CIMIP6: variants seen among roughly 807,000 people sequenced by gnomAD.
CIMIP6 encodes the protein uncharacterized protein C2orf73.
chr2:54,379,611 G>A, the CIMIP6 span, among the ~76,000 whole-genome samples: 6 of 152,050 alleles, frequency 3.9e-5, no homozygotes, highest in East Asian at 1.9e-4. Flanking sequence ...AGGCCAAGGC[G>A]GGATTCCTTG....
At chr2:54,347,525 G>A in the CIMIP6 span, among the ~76,000 whole-genome samples, 2 of 152,076 alleles carry the variant, frequency 1.3e-5, no homozygotes, top group East Asian at 3.9e-4. Context: ...TCCACATAAC[G>A]AGCAGTTATG....
At chr2:54,359,952 G>A in the CIMIP6 span, among the ~76,000 whole-genome samples, 1 of 152,194 alleles carries the variant, frequency 6.6e-6, no homozygotes, top group East Asian at 1.9e-4. Flanking sequence ...AATGGGAGAT[G>A]AGCTGCTACT....
chr2:54,331,662 T>C, the CIMIP6 span, among the ~76,000 whole-genome samples: 4 of 151,948 alleles, frequency 2.6e-5, no homozygotes, highest in Non-Finnish European at 4.4e-5. Flanking sequence ...AATGCAAATT[T>C]TGGGGACTTC....
the CIMIP6 span, among the ~76,000 whole-genome samples, chr2:54,331,633 G>A: frequency 1.8e-4 from 28 of 152,112 alleles, no homozygotes; most frequent in African/African-American, 6.7e-4. Flanking sequence ...ACCAGCATCA[G>A]CAGCACCTGG....
chr2:54,372,777 A>T, the CIMIP6 span, among the ~76,000 whole-genome samples: 1 of 152,284 alleles, frequency 6.6e-6, no homozygotes, highest in East Asian at 1.9e-4. Context: ...ATTAAGGAGG[A>T]GGGACAAGTC....
the CIMIP6 span, among the ~76,000 whole-genome samples, chr2:54,375,076 C>A: frequency 1.1e-4 from 16 of 152,020 alleles, no homozygotes; most frequent in Non-Finnish European, 2.1e-4. Context: ...GCTACCTTAC[C>A]AGCATTTAAA....
At chr2:54,375,289 A>G in the CIMIP6 span, among the ~76,000 whole-genome samples, 111 of 152,358 alleles carry the variant, frequency 7.3e-4, no homozygotes, top group African/African-American at 2.1e-3. Context: ...AGTTTTATAT[A>G]AAGAGCTCAT....
At chr2:54,362,818 A>G in the CIMIP6 span, among the ~76,000 whole-genome samples, 5 of 152,200 alleles carry the variant, frequency 3.3e-5, no homozygotes, top group Non-Finnish European at 5.9e-5. Context: ...CAGTGCTGGG[A>G]TTACAGGCAT....
chr2:54,360,173 G>A, the CIMIP6 span: 4 of 1,510,782 alleles, frequency 2.6e-6, no homozygotes, highest in Non-Finnish European at 3.5e-6. Context: ...GCGTTCTCCT[G>A]GTTAATGTCG....
chr2:54,353,513 A>G, the CIMIP6 span, among the ~76,000 whole-genome samples: 1 of 151,990 alleles, frequency 6.6e-6, no homozygotes, highest in African/African-American at 2.4e-5. Context: ...TTGGTTTTCA[A>G]GGCTTCTGCA....
the CIMIP6 span, among the ~76,000 whole-genome samples, chr2:54,335,527 T>C: frequency 6.6e-6 from 1 of 152,188 alleles, no homozygotes; most frequent in Non-Finnish European, 1.5e-5. Flanking sequence ...ATATCTGAGA[T>C]TAAGTAATAA....
At chr2:54,363,621 T>G in the CIMIP6 span, among the ~76,000 whole-genome samples, 3 of 152,292 alleles carry the variant, frequency 2.0e-5, no homozygotes, top group East Asian at 3.9e-4. Context: ...GTGAGTTCTT[T>G]AGTAATATCT....
the CIMIP6 span, among the ~76,000 whole-genome samples, chr2:54,347,207 C>A: frequency 0.77 from 117,502 of 152,148 alleles, 45,478 homozygotes; most frequent in Non-Finnish European, 0.8. Flanking sequence ...AAAAATGCTA[C>A]TTAGGTATAG....
chr2:54,332,866 G>A, the CIMIP6 span, among the ~76,000 whole-genome samples: 1 of 152,104 alleles, frequency 6.6e-6, no homozygotes, highest in Non-Finnish European at 1.5e-5. Flanking sequence ...TTGTATCTCT[G>A]GAAAGGTAAT....
chr2:54,381,863 G>C, the CIMIP6 span: 4 of 1,541,010 alleles, frequency 2.6e-6, no homozygotes, highest in East Asian at 9.9e-5. Flanking sequence ...CTTGAGAAAA[G>C]GAGCCAAGAC....
chr2:54,344,262 G>C, the CIMIP6 span, among the ~76,000 whole-genome samples: 4 of 152,132 alleles, frequency 2.6e-5, no homozygotes, highest in Admixed American at 1.3e-4. Flanking sequence ...AGATAATAAA[G>C]TTTCCACTTC....
At chr2:54,367,319 C>G in the CIMIP6 span, among the ~76,000 whole-genome samples, 1 of 151,870 alleles carries the variant, frequency 6.6e-6, no homozygotes, top group Non-Finnish European at 1.5e-5. Context: ...GACTTTTTCC[C>G]TTATAGTTTC....
At chr2:54,357,996 T>G in the CIMIP6 span, among the ~76,000 whole-genome samples, 10 of 152,348 alleles carry the variant, frequency 6.6e-5, no homozygotes, top group East Asian at 1.9e-3. Flanking sequence ...TTAAATAACC[T>G]TCTCTGCTGA....
chr2:54,351,434 C>G, the CIMIP6 span, among the ~76,000 whole-genome samples: 1 of 152,178 alleles, frequency 6.6e-6, no homozygotes, highest in Non-Finnish European at 1.5e-5. Flanking sequence ...CCGTGGAACA[C>G]TATGCAGCCA....
Sources: gnomAD v4.1 joint callset for allele counts (sites outside exome capture counted in the v4.1 genomes callset) on GRCh38, gnomAD v4.1.1 for gene constraint, MANE v1.5 for transcripts, NCBI Gene and HGNC (gene_info 2026-07-23, HGNC 2026-07-21) for gene names.